AGBL1: variants seen among roughly 807,000 people sequenced by gnomAD.
AGBL1 encodes cytosolic carboxypeptidase 4.
In AGBL1, 130 loss-of-function variants were observed where a neutral mutation model predicts 118.9. The observed-to-expected ratio is 1.09, with a 90% CI of 0.95 to 1.26. The LOEUF is 1.26. Ranked by LOEUF, AGBL1 falls within the 50% of genes most tolerant of loss-of-function variation. The pLI, the probability that AGBL1 is intolerant of heterozygous loss-of-function variation, is 0.00. For missense variants in AGBL1, 1,584 were observed against 1,298.1 expected (o/e 1.22, Z -3.38); for synonymous variants, 555 against 478.9 (o/e 1.16, Z -2.08).
intron 17 of AGBL1, among the ~76,000 whole-genome samples, chr15:86,344,399 T>C (rs1468688077): frequency 6.6e-6 from 1 of 152,170 alleles, no homozygotes; most frequent in Non-Finnish European, 1.5e-5. Context: ...AGCAGTGCTA[T>C]GCATTGCCAA....
chr15:86,148,355 C>A (rs572840996), intron 3 of AGBL1, among the ~76,000 whole-genome samples: 5 of 152,174 alleles, frequency 3.3e-5, no homozygotes, highest in African/African-American at 7.2e-5. Context: ...ATGTTCGAAC[C>A]CATTGCAAGG....
At chr15:86,782,786 CCTTGCAATGGT>C (rs2078352999) in intron 22 of AGBL1, among the ~76,000 whole-genome samples, 1 of 152,190 alleles carries the variant, frequency 6.6e-6, no homozygotes, top group South Asian at 2.1e-4. Context: ...TGAAACTTTG[CCTTGCAATGGT>C]AAAGCAAATA....
chr15:86,786,393 T>C (rs1596479619), intron 22 of AGBL1, among the ~76,000 whole-genome samples: 3 of 152,114 alleles, frequency 2.0e-5, no homozygotes, highest in Middle Eastern at 3.2e-3. Flanking sequence ...TGTGGCAGGA[T>C]ATGGCTTGTG....
rs148194888 is a variant in AGBL1, at chr15:87,010,547, C to T, written c.3324-18278C>T. ...CTCTTTCTGCTGGAGCTGGGACACT[C>T]TTCTTCTCCTGCCCTTGGACCACAC... On this transcript the variant is annotated intron_variant, in intron 24 of 24. Transcript: ENST00000441037. Among the ~76,000 whole-genome samples the T allele has an allele frequency of 6.6e-5, 10 of 152,224 alleles. No homozygotes were observed. In the East Asian group the frequency reaches 1.7e-3, roughly 26 times the overall value.
intron 17 of AGBL1, among the ~76,000 whole-genome samples, chr15:86,299,263 G>C (rs189672427): frequency 1.3e-5 from 2 of 152,142 alleles, no homozygotes; most frequent in African/African-American, 4.8e-5. Flanking sequence ...ACAGTGAACA[G>C]GGAAGTTCTC....
At chr15:86,124,755 A>G (rs1898312080) in intron 1 of AGBL1, among the ~76,000 whole-genome samples, 1 of 152,172 alleles carries the variant, frequency 6.6e-6, no homozygotes, top group Non-Finnish European at 1.5e-5. Flanking sequence ...GTAGCCATTC[A>G]TTATCAACTG....
intron 18 of AGBL1, among the ~76,000 whole-genome samples, chr15:86,423,551 A>G (rs1339970559): frequency 6.6e-6 from 1 of 152,226 alleles, no homozygotes; most frequent in Non-Finnish European, 1.5e-5. Flanking sequence ...ATCATGCAAG[A>G]GAAAGAAATA....
intron 17 of AGBL1, among the ~76,000 whole-genome samples, chr15:86,348,443 G>A (rs952523902): frequency 6.6e-6 from 1 of 152,146 alleles, no homozygotes; most frequent in Non-Finnish European, 1.5e-5. Flanking sequence ...GAGACTTTTG[G>A]CAATGTCTGG....
chr15:86,864,614 T>C (rs1014227190), intron 22 of AGBL1, among the ~76,000 whole-genome samples: 5 of 152,184 alleles, frequency 3.3e-5, no homozygotes, highest in Non-Finnish European at 5.9e-5. Flanking sequence ...AATCAAGATG[T>C]TGATCTCACT....
At chr15:86,243,357 A>G (rs1567150405) in intron 6 of AGBL1, among the ~76,000 whole-genome samples, 1 of 152,174 alleles carries the variant, frequency 6.6e-6, no homozygotes, top group Admixed American at 6.5e-5. Flanking sequence ...CAGTTAAGAA[A>G]TACTTGGGGT....
intron 22 of AGBL1, among the ~76,000 whole-genome samples, chr15:86,711,450 C>A (rs1215212886): frequency 6.6e-6 from 1 of 152,162 alleles, no homozygotes; most frequent in Admixed American, 6.5e-5. Flanking sequence ...TTATTGGGTG[C>A]TTTTCTTGTT....
At chr15:86,418,267 T>C (rs1012027577) in intron 18 of AGBL1, among the ~76,000 whole-genome samples, 13 of 152,214 alleles carry the variant, frequency 8.5e-5, no homozygotes, top group African/African-American at 3.1e-4. Context: ...TTATGATCAT[T>C]CAACCACTTT....
chr15:86,135,752 T>A (rs1199689240), intron 1 of AGBL1, among the ~76,000 whole-genome samples: 2 of 152,176 alleles, frequency 1.3e-5, no homozygotes, highest in Non-Finnish European at 2.9e-5. Context: ...TGAAAATTCT[T>A]TTCTACTCCT....
intron 5 of AGBL1, among the ~76,000 whole-genome samples, chr15:86,220,473 T>C (rs1050247867): frequency 6.6e-6 from 1 of 152,218 alleles, no homozygotes; most frequent in Non-Finnish European, 1.5e-5. Flanking sequence ...TCCTCTGTAA[T>C]GGCTCTTAAA....
chr15:86,528,206 C>G (rs1047481634), intron 19 of AGBL1, among the ~76,000 whole-genome samples: 1 of 152,174 alleles, frequency 6.6e-6, no homozygotes, highest in South Asian at 2.1e-4. Flanking sequence ...CCGGGTTCAT[C>G]TCACTAGGGA....
chr15:86,230,681 G>T (rs1299035575), intron 6 of AGBL1, among the ~76,000 whole-genome samples: 1 of 152,162 alleles, frequency 6.6e-6, no homozygotes, highest in South Asian at 2.1e-4. Flanking sequence ...GTCTCATCCA[G>T]GGATATTCAA....
intron 22 of AGBL1, among the ~76,000 whole-genome samples, chr15:86,725,227 A>G (rs1218369857): frequency 6.6e-6 from 1 of 152,240 alleles, no homozygotes; most frequent in East Asian, 1.9e-4. Flanking sequence ...GTTTCATTCA[A>G]GGAGCTCATA....
intron 20 of AGBL1, among the ~76,000 whole-genome samples, chr15:86,548,443 A>G (rs1440897026): frequency 6.6e-6 from 1 of 152,176 alleles, no homozygotes; most frequent in East Asian, 1.9e-4. Context: ...TATAAAATAG[A>G]AGAAAATTTT....
chr15:86,534,004 C>G (rs1274308148), intron 19 of AGBL1, among the ~76,000 whole-genome samples: 1 of 116,922 alleles, frequency 8.6e-6, no homozygotes, highest in Non-Finnish European at 1.7e-5. Context: ...GGAGATATAC[C>G]TAATGCTAGA....
Sources: gnomAD v4.1 joint callset for allele counts (sites outside exome capture counted in the v4.1 genomes callset) on GRCh38, gnomAD v4.1.1 for gene constraint, MANE v1.5 for transcripts, NCBI Gene and HGNC (gene_info 2026-07-23, HGNC 2026-07-21) for gene names.